The following ADCY9 variants were observed in gnomAD, a reference collection of about 807,000 sequenced individuals.
ADCY9 encodes the protein adenylate cyclase type 9.
A neutral mutation model predicts 101.5 loss-of-function variants in ADCY9; 50 were observed. The ratio of observed to expected loss-of-function variants is 0.49; its 90% CI spans 0.39 to 0.62. The LOEUF (loss-of-function observed/expected upper bound fraction) is 0.62. Ranked by LOEUF, ADCY9 falls within the 20% of genes least tolerant of loss-of-function variation. The pLI, the probability that ADCY9 is intolerant of heterozygous loss-of-function variation, is 0.00. For missense variants in ADCY9, 1,662 were observed against 1,800.4 expected (o/e 0.92, Z 1.39); for synonymous variants, 905 against 769.3 (o/e 1.18, Z -2.92).
chr16:4,024,732 G>C (rs1214923057), intron 2 of ADCY9, among the ~76,000 whole-genome samples: 1 of 152,084 alleles, frequency 6.6e-6, no homozygotes, highest in East Asian at 1.9e-4. Flanking sequence ...GACAGGATGT[G>C]AACAAAGGGA....
intron 2 of ADCY9, among the ~76,000 whole-genome samples, chr16:4,057,043 C>G (rs979671512): frequency 4.0e-4 from 56 of 141,092 alleles, no homozygotes; most frequent in African/African-American, 1.3e-3. Context: ...AAACCGCCCC[C>G]CCCCCCCCCG....
intron 3 of ADCY9, 57 bp downstream of exon 3, chr16:4,007,311 T>C: frequency 7.0e-7 from 1 of 1,428,870 alleles, no homozygotes; most frequent in Non-Finnish European, 9.3e-7. Context: ...TCACGTGCTC[T>C]ACTGCAGAAT....
intron 2 of ADCY9, among the ~76,000 whole-genome samples, chr16:4,017,895 C>G (rs773171128): frequency 6.6e-6 from 1 of 152,220 alleles, no homozygotes; most frequent in African/African-American, 2.4e-5. Flanking sequence ...TTGTCTTCTT[C>G]GAGCACAAAC....
At chr16:4,013,096 T>G (rs976531932) in intron 2 of ADCY9, among the ~76,000 whole-genome samples, 3 of 151,160 alleles carry the variant, frequency 2.0e-5, no homozygotes, top group Non-Finnish European at 3.0e-5. Flanking sequence ...TATAAAAAAT[T>G]TAAAAATCAG....
chr16:3,970,718 T>C (rs2056043703), intron 10 of ADCY9, among the ~76,000 whole-genome samples: 2 of 152,358 alleles, frequency 1.3e-5, no homozygotes, highest in East Asian at 1.9e-4. Flanking sequence ...TGTGTGGCCA[T>C]CACGGCCCTC....
At position 3,977,540 on chromosome 16, in the gene ADCY9, C is replaced by A. The variant is rs763272036; in HGVS notation, c.2770G>T (p.Ala924Ser). 6.2e-6 allele frequency: 10 copies of A among 1,602,878 alleles called. No individual in the cohort carries two copies. The Admixed American group carries it at 8.6e-5, about 14-fold the overall frequency. Residue 924 changes from alanine to serine, a missense_variant, in exon 9 of 11, where the codon GCC becomes TCC. Around this residue, in one of 5 missense-constraint regions of ADCY9, gnomAD observed 624 missense variants for 639.1 expected, o/e 0.98. Coordinates refer to ENST00000294016, the MANE Select transcript of ADCY9 (RefSeq NM_001116.4). ...AGCGGCCCGGCCCCCACGACGGTGG[C>A]GAGGGAGGACCTCATCCAGGAGCTG... ...QLSSWMRSSL[A>S]TVVGAGPLLL...
intron 10 of ADCY9, among the ~76,000 whole-genome samples, chr16:3,971,022 A>G (rs1162453050): frequency 2.0e-5 from 3 of 152,068 alleles, no homozygotes; most frequent in African/African-American, 7.2e-5. Context: ...CCATTCCTTG[A>G]TAAGAGCGGC....
At chr16:3,996,910 G>A (rs183500926) in intron 3 of ADCY9, among the ~76,000 whole-genome samples, 6 of 152,186 alleles carry the variant, frequency 3.9e-5, no homozygotes, top group Admixed American at 3.9e-4. Flanking sequence ...TGTCACCCAG[G>A]CTGGAGTGCA....
At chr16:3,989,193 G>T in intron 5 of ADCY9, 97 bp from the exon 6 acceptor site, 1 of 882,632 alleles carries the variant, frequency 1.1e-6, no homozygotes. Flanking sequence ...TGCTCATTAG[G>T]TATATTACAA....
Position 3,966,922 on chromosome 16 carries a change from C to A in ADCY9, c.2915G>T (p.Arg972Leu), listed in dbSNP as rs374135203. 2 of 1,613,652 alleles carry A rather than the reference C, an allele frequency of 1.2e-6. No homozygotes were observed. Among genetic ancestry groups the A allele is most frequent in the Non-Finnish European group, 1.7e-6 (2 of 1,180,014 alleles). Residue 972 changes from arginine (R) to leucine (L), a missense_variant, in exon 11 of 11, where the codon CGG becomes CTG. Coordinates refer to ENST00000294016, the MANE Select transcript of ADCY9 (RefSeq NM_001116.4). The part of the protein sequence containing the change: ...PCNSSVPRDL[R>L]RPASLIGQEV... ...CTGGCCGATGAGGCTGGCGGGCCGC[C>A]GGAGGTCACGCGGCACCGAACTATT...
At chr16:4,006,480 G>A (rs189917650) in intron 3 of ADCY9, among the ~76,000 whole-genome samples, 25 of 152,272 alleles carry the variant, frequency 1.6e-4, no homozygotes, top group African/African-American at 5.3e-4. Context: ...ACTGTTCCTC[G>A]TAAATACCAA....
intron 2 of ADCY9, among the ~76,000 whole-genome samples, chr16:4,009,548 C>T (rs1431676689): frequency 6.6e-6 from 1 of 152,194 alleles, no homozygotes; most frequent in South Asian, 2.1e-4. Flanking sequence ...TGAGCCACCA[C>T]ACCTGGTCCA....
chr16:4,089,545 A>G (rs1488677710), intron 2 of ADCY9, among the ~76,000 whole-genome samples: 1 of 151,952 alleles, frequency 6.6e-6, no homozygotes, highest in Non-Finnish European at 1.5e-5. Flanking sequence ...ACATTCCTAT[A>G]AGTTTTTGTG....
intron 2 of ADCY9, among the ~76,000 whole-genome samples, chr16:4,107,387 C>A (rs990060975): frequency 6.6e-6 from 1 of 151,566 alleles, no homozygotes; most frequent in Non-Finnish European, 1.5e-5. Context: ...CCCATCTCTA[C>A]TAAAAATACA....
intron 2 of ADCY9, among the ~76,000 whole-genome samples, chr16:4,060,384 C>T (rs2056767575): frequency 6.6e-6 from 1 of 152,170 alleles, no homozygotes; most frequent in Non-Finnish European, 1.5e-5. Context: ...TAAAGTGAGG[C>T]CTACCCCACG....
chr16:3,983,207 G>C, intron 7 of ADCY9, 25 bp downstream of exon 7: 1 of 1,540,914 alleles, frequency 6.5e-7, no homozygotes, highest in South Asian at 1.2e-5. Flanking sequence ...CTCAGAGCTG[G>C]AGACCCAGTC....
At chr16:4,030,038 C>A (rs758970897) in intron 2 of ADCY9, among the ~76,000 whole-genome samples, 1 of 152,104 alleles carries the variant, frequency 6.6e-6, no homozygotes, top group Non-Finnish European at 1.5e-5. Context: ...ACTCTGCTGA[C>A]GGGTATGAGG....
chr16:3,983,518 C>A, intron 6 of ADCY9, 78 bp from the exon 7 acceptor site: 2 of 1,264,464 alleles, frequency 1.6e-6, no homozygotes, highest in Non-Finnish European at 1.1e-6. Flanking sequence ...GAGAAACAGG[C>A]AACACGTGCG....
intron 2 of ADCY9, among the ~76,000 whole-genome samples, chr16:4,091,258 G>A (rs2056972061): frequency 6.6e-6 from 1 of 152,164 alleles, no homozygotes; most frequent in Admixed American, 6.5e-5. Flanking sequence ...ATTTTTAGTA[G>A]ACACGGGGTT....
Sources: allele counts gnomAD v4.1 joint callset (sites outside exome capture counted in the v4.1 genomes callset), GRCh38; gene constraint gnomAD v4.1.1; regional missense constraint gnomAD v4.1.1; transcripts MANE v1.5; gene names NCBI Gene and HGNC (gene_info 2026-07-23, HGNC 2026-07-21).